GCN1: variants seen among roughly 807,000 people sequenced by gnomAD.
GCN1 encodes the protein stalled ribosome sensor GCN1.
A neutral mutation model predicts 288.4 loss-of-function variants in GCN1; 90 were observed. The ratio of observed to expected loss-of-function variants is 0.31; its 90% CI spans 0.26 to 0.37. The LOEUF is 0.37. Among genes scored for constraint, GCN1 ranks in the 10% least tolerant of loss-of-function variants. The probability of loss-of-function intolerance (pLI) is 1.00; values close to 1 mark genes in which losing one functional copy is unlikely to be tolerated. For missense variants in GCN1, 2,586 were observed against 3,419.9 expected, an observed-to-expected ratio of 0.76 and a Z score of 6.08; for synonymous variants, 1,386 against 1,420.2, an observed-to-expected ratio of 0.98 and a Z score of 0.54.
In GCN1 at chr12:120,138,869, G is replaced by C; in HGVS notation, c.5995-13C>G. The C allele has an allele frequency of 3.8e-6, 6 of 1,599,446 alleles. No individual in the cohort carries two copies. The highest frequency in any genetic ancestry group is 5.1e-6 in the Non-Finnish European group (6 of 1,170,162). Reference sequence around the variant, plus strand: ...AGAAATACAGCACCTGCAATGGCAAGCTACAACTGTACCAGATGCAGGAAA... The same window carrying C: ...AGAAATACAGCACCTGCAATGGCAACCTACAACTGTACCAGATGCAGGAAA... On this transcript the variant is annotated splice_polypyrimidine_tract_variant and intron_variant, in intron 45 of 57. Coordinates refer to ENST00000300648, the MANE Select transcript of GCN1 (RefSeq NM_006836.2).
Position 120,143,637 on chromosome 12 carries a change from C to T in GCN1, c.5495+669G>A, listed in dbSNP as rs566441970. 1.2e-4 allele frequency among the ~76,000 whole-genome samples: 18 copies of T among 150,562 alleles called. No homozygotes were observed. In the South Asian group the frequency reaches 3.8e-3, roughly 32 times the overall value. ...GTATGAATGTGCTATATTTTTAAATCAACCTCCAATTTTTCAAATGGTAAG... is the reference window on the plus strand; with the variant it reads ...GTATGAATGTGCTATATTTTTAAATTAACCTCCAATTTTTCAAATGGTAAG... On this transcript the variant is annotated intron_variant, in intron 42 of 57. Coordinates refer to ENST00000300648, the MANE Select transcript of GCN1 (RefSeq NM_006836.2).
Position 120,138,815 on chromosome 12 carries a change from C to A in GCN1, c.6036G>T (p.Lys2012Asn). 6.2e-7 allele frequency: 1 copy of A among 1,614,000 alleles called. No homozygotes were observed. The highest frequency in any genetic ancestry group is 8.5e-7 in the Non-Finnish European group (1 of 1,179,844). The change falls in exon 46 of 58, where the codon AAG becomes AAT. Residue 2012 changes from lysine to asparagine, a missense_variant. By Grantham distance (94) the Lys-to-Asn change is moderately conservative. Around this residue, in one of 8 missense-constraint regions of GCN1, gnomAD observed 437 missense variants for 570.5 expected, o/e 0.77. Transcript: ENST00000300648. ...FSESLVPTAR[K>N]ALCDPLEEVR... is the part of the protein sequence containing the mutation. ...CCTCCTCCAGTGGGTCACACAAAGC[C>A]TTCCTTGCCGTGGGCACGAGGGATT...
At chr12:120,183,326 A>G (rs972950739) in intron 5 of GCN1, among the ~76,000 whole-genome samples, 1 of 152,170 alleles carries the variant, frequency 6.6e-6, no homozygotes, top group Non-Finnish European at 1.5e-5. Context: ...TCTGTTGTGC[A>G]TCACTGCATT....
chr12:120,134,613 G>A lies in GCN1; in HGVS notation c.7122C>T (p.Leu2374=). ...RLKAADALGK[L]ISIHIKVDPL... is the part of the protein sequence containing the mutation. ...GGTCCACCTTAATGTGGATGGAAAT[G>A]AGCTTCCCCAGAGCATCTGCGGCCT... The change falls in exon 52 of 58, where the codon CTC becomes CTT. Residue 2374 remains leucine, a synonymous_variant. Coordinates refer to ENST00000300648, the MANE Select transcript of GCN1 (RefSeq NM_006836.2). This position sits in a 1 kb window ranked among gnomAD's most constrained non-coding sequence, Gnocchi z 5.0. 2 of 1,614,166 alleles carry A rather than the reference G, an allele frequency of 1.2e-6. No homozygotes were observed. Among genetic ancestry groups the A allele is most frequent in the South Asian group, 1.1e-5 (1 of 91,088 alleles).
chr12:120,176,908 A>G (rs748037490), intron 9 of GCN1, among the ~76,000 whole-genome samples: 9 of 152,158 alleles, frequency 5.9e-5, no homozygotes, highest in Non-Finnish European at 7.3e-5. Context: ...CTAGGACTAC[A>G]GGCATGTGCC....
rs183554024 is a variant in GCN1, at chr12:120,154,984, A to G, written c.3687T>C (p.Asp1229=). The change falls in exon 31 of 58, where the codon GAT becomes GAC. Residue 1229 remains aspartate (D), a synonymous_variant. Coordinates refer to ENST00000300648, the MANE Select transcript of GCN1 (RefSeq NM_006836.2). ...AATTGTTATACCTGGCTTCCCACTGATCTGGAGGAGATTCTGAAATAACTC... is the reference window on the plus strand; with the variant it reads ...AATTGTTATACCTGGCTTCCCACTGGTCTGGAGGAGATTCTGAAATAACTC... ...LGRVISESPP[D]QWEARCGLAL... is the part of the protein sequence containing the mutation. 2.9e-5 allele frequency: 47 copies of G among 1,613,598 alleles called. No individual in the cohort carries two copies. In the South Asian group the frequency reaches 3.0e-4, roughly 10 times the overall value.
chr12:120,143,762 A>G (rs1156349163), intron 42 of GCN1, among the ~76,000 whole-genome samples: 1 of 152,228 alleles, frequency 6.6e-6, no homozygotes, highest in Non-Finnish European at 1.5e-5. Flanking sequence ...TTTAGATTAA[A>G]GAGTACTTGA....
Position 120,158,434 on chromosome 12 carries a change from G to A in GCN1, c.2905+26C>T, listed in dbSNP as rs1042170791. ...CTGGCACCAGCTCACACCGCCTGGT[G>A]CCCCTGATCCCGTCCCAGCCCTTAC... On this transcript the variant is annotated intron_variant, in intron 25 of 57. Transcript: ENST00000300648. The surrounding 1 kb of genome is among the most constrained non-coding windows in gnomAD (Gnocchi z 4.3). The A allele has an allele frequency of 2.6e-6, 4 of 1,524,832 alleles. No individual in the cohort carries two copies. The highest frequency in any genetic ancestry group is 2.6e-6 in the Non-Finnish European group (3 of 1,132,402). 94.5% of individuals were successfully genotyped at this position (1,524,832 alleles called of 1,614,324 possible).
chr12:120,137,731 G>A lies in GCN1; in HGVS notation c.6477C>T (p.Ala2159=), dbSNP rs202180949. The part of the protein sequence containing the change: ...HRIIIEDLLE[A]TRSPEVGMRQ... ...TCATGCCCACCTCAGGGCTGCGGGT[G>A]GCCTCCAGCAGATCCTCGATGATGA... The change falls in exon 49 of 58, where the codon GCC becomes GCT. Residue 2159 remains alanine (A), a synonymous_variant. Coordinates refer to ENST00000300648, the MANE Select transcript of GCN1 (RefSeq NM_006836.2). The surrounding 1 kb of genome is among the most constrained non-coding windows in gnomAD (Gnocchi z 5.2). 1 of 1,614,100 alleles carries A rather than the reference G, an allele frequency of 6.2e-7. No individual in the cohort carries two copies. Among genetic ancestry groups the A allele is most frequent in the Non-Finnish European group, 8.5e-7 (1 of 1,179,970 alleles).
At chr12:120,143,588 GAA>G (rs398055996) in intron 42 of GCN1, among the ~76,000 whole-genome samples, 4 of 119,526 alleles carry the variant, frequency 3.3e-5, no homozygotes, top group Non-Finnish European at 5.9e-5. Flanking sequence ...TCTCAAAAAG[GAA>G]AAAAAAAAAA....
chr12:120,151,262 C>T lies in GCN1; in HGVS notation c.4192G>A (p.Ala1398Thr), dbSNP rs763828545. ...SDKYAERKGA[A>T]YGLAGLVKGL... ...TTCACCAGGCCCGCCAGGCCATAGG[C>T]GGCCCCTTTGCGCTCTGCGTACTTG... Residue 1398 changes from alanine to threonine, a missense_variant, in exon 34 of 58, where the codon GCC becomes ACC. Ala to Thr is a moderately conservative substitution (Grantham distance 58). This residue lies in a region of GCN1 where 332 missense variants were observed against 403.0 expected (regional missense o/e 0.82). Transcript: ENST00000300648. 3 of 1,614,208 alleles carry T rather than the reference C, an allele frequency of 1.9e-6. No homozygotes were observed. Among genetic ancestry groups the T allele is most frequent in the Non-Finnish European group, 1.7e-6 (2 of 1,180,022 alleles).
intron 38 of GCN1, among the ~76,000 whole-genome samples, chr12:120,146,265 CAA>C (rs59213540): frequency 3.3e-4 from 20 of 61,254 alleles, no homozygotes; most frequent in Admixed American, 7.6e-4. Flanking sequence ...GACTCCATCT[CAA>C]AAAAAAAAAA....
In GCN1 at chr12:120,153,546, T is replaced by A; in HGVS notation, c.3868-139A>T. ...CATGCCAGCCAGTGGCTCTTCCAGT[T>A]TTCTGGCAGGACTGCCACAGACTTA... is the stretch of plus-strand genomic sequence containing the variant. On this transcript the variant is annotated intron_variant, in intron 32 of 57. Coordinates refer to ENST00000300648, the MANE Select transcript of GCN1 (RefSeq NM_006836.2). This position sits in a 1 kb window ranked among gnomAD's most constrained non-coding sequence, Gnocchi z 4.4. 1.1e-6 allele frequency: 1 copy of A among 906,646 alleles called. No homozygotes were observed. Among genetic ancestry groups the A allele is most frequent in the Non-Finnish European group, 1.7e-6 (1 of 600,790 alleles). 56.2% of individuals were successfully genotyped at this position (906,646 alleles called of 1,614,324 possible). A position where few individuals can be genotyped will look rare whatever the true frequency, so the allele number is the denominator to read the frequency against.
In GCN1 at chr12:120,155,014, C is replaced by T. The variant is rs2139107462; in HGVS notation, c.3657G>A (p.Leu1219=). 6.2e-7 allele frequency: 1 copy of T among 1,614,054 alleles called. No individual in the cohort carries two copies. Residue 1219 remains leucine, a synonymous_variant, in exon 31 of 58, where the codon TTG becomes TTA. Coordinates refer to ENST00000300648, the MANE Select transcript of GCN1 (RefSeq NM_006836.2). The surrounding 1 kb of genome is among the most constrained non-coding windows in gnomAD (Gnocchi z 4.9). The part of the protein sequence containing the change: ...LYRPPPVLDA[L]GRVISESPPD... ...GAGGAGATTCTGAAATAACTCGTCCCAAAGCATCCAGCACTGGGGGCGGCC... is the reference window on the plus strand; with the variant it reads ...GAGGAGATTCTGAAATAACTCGTCCTAAAGCATCCAGCACTGGGGGCGGCC...
chr12:120,144,002 C>T lies in GCN1; in HGVS notation c.5495+304G>A, dbSNP rs1469115186. Reference sequence around the variant, plus strand: ...GATCTTTTTTTTTCTCCTAAGACAGCGTCTTGCTCTGTTGCCCAGGTTGGA... The same window carrying T: ...GATCTTTTTTTTTCTCCTAAGACAGTGTCTTGCTCTGTTGCCCAGGTTGGA... On this transcript the variant is annotated intron_variant, in intron 42 of 57. Transcript: ENST00000300648. The surrounding 1 kb of genome is among the most constrained non-coding windows in gnomAD (Gnocchi z 4.7). 2.6e-5 allele frequency among the ~76,000 whole-genome samples: 4 copies of T among 152,114 alleles called. No homozygotes were observed. Among genetic ancestry groups the T allele is most frequent in the Non-Finnish European group, 5.9e-5 (4 of 68,028 alleles).
rs1016750652 is a variant in GCN1 at position 120,144,511 on chromosome 12, T to C, written c.5353-63A>G. 26 of 1,580,408 alleles carry C rather than the reference T, an allele frequency of 1.6e-5. No individual in the cohort carries two copies. The highest frequency in any genetic ancestry group is 1.5e-4 in the African/African-American group (11 of 73,734). On this transcript the variant is annotated intron_variant, in intron 41 of 57. Coordinates refer to ENST00000300648, the MANE Select transcript of GCN1 (RefSeq NM_006836.2). The surrounding 1 kb of genome is among the most constrained non-coding windows in gnomAD (Gnocchi z 4.7). ...CCCCAGGCCCCCAGCCCAAAAAACA[T>C]GGGGCTCACTGAAGGCTGAGGGCTC...
At chr12:120,175,658 G>T in intron 11 of GCN1, 88 bp downstream of exon 11, 1 of 1,368,382 alleles carries the variant, frequency 7.3e-7, no homozygotes, top group Non-Finnish European at 1.0e-6. Flanking sequence ...AGGCAGACTT[G>T]GAGCATCAAG....
intron 7 of GCN1, among the ~76,000 whole-genome samples, chr12:120,178,320 G>A (rs1236548004): frequency 4.6e-5 from 7 of 152,248 alleles, no homozygotes; most frequent in African/African-American, 1.2e-4. Context: ...TCCCTTACTC[G>A]CTGGTGTACC....
intron 57 of GCN1, among the ~76,000 whole-genome samples, chr12:120,128,537 T>C (rs545624070): frequency 5.3e-5 from 8 of 151,738 alleles, no homozygotes; most frequent in African/African-American, 1.4e-4. Context: ...GGTTTCTCCA[T>C]GTTGGTCAGG....
Sources: allele counts gnomAD v4.1 joint callset (sites outside exome capture counted in the v4.1 genomes callset), GRCh38; gene constraint gnomAD v4.1.1; regional missense constraint gnomAD v4.1.1; non-coding constraint Gnocchi (gnomAD v3.1); transcripts MANE v1.5; gene names NCBI Gene and HGNC (gene_info 2026-07-23, HGNC 2026-07-21).